Variants in PTPRD observed in about 807,000 individuals in gnomAD.
The protein encoded by PTPRD is protein tyrosine phosphatase receptor type D, also known as receptor-type tyrosine-protein phosphatase delta.
In PTPRD, 34 loss-of-function variants were observed where a neutral mutation model predicts 214.5. The ratio of observed to expected loss-of-function variants is 0.16; its 90% CI spans 0.12 to 0.21. The LOEUF is 0.21. Among genes scored for constraint, PTPRD ranks in the 10% least tolerant of loss-of-function variants. The probability of loss-of-function intolerance (pLI) is 1.00; values close to 1 mark genes in which losing one functional copy is unlikely to be tolerated. For missense variants in PTPRD, 2,545 were observed against 2,398.7 expected, an observed-to-expected ratio of 1.06 and a Z score of -1.27; for synonymous variants, 1,128 against 845.7, an observed-to-expected ratio of 1.33 and a Z score of -5.79.
intron 9 of PTPRD, among the ~76,000 whole-genome samples, chr9:9,357,811 C>T (rs1246771999): frequency 6.6e-6 from 1 of 151,024 alleles, no homozygotes; most frequent in Non-Finnish European, 1.5e-5. Context: ...ATTATAAAGG[C>T]ATTATAAATA....
chr9:8,599,361 C>A (rs1207636257), intron 14 of PTPRD, among the ~76,000 whole-genome samples: 3 of 152,052 alleles, frequency 2.0e-5, no homozygotes, highest in Non-Finnish European at 4.4e-5. Context: ...GTCTATATCA[C>A]CCTGAATGCA....
intron 9 of PTPRD, among the ~76,000 whole-genome samples, chr9:9,353,502 A>G (rs1450712394): frequency 6.6e-6 from 1 of 151,854 alleles, no homozygotes; most frequent in African/African-American, 2.4e-5. Context: ...GTCCACTTCT[A>G]TATATTGCAA....
intron 3 of PTPRD, among the ~76,000 whole-genome samples, chr9:10,080,365 A>G (rs1197679394): frequency 6.6e-6 from 1 of 152,132 alleles, no homozygotes; most frequent in Non-Finnish European, 1.5e-5. Context: ...AAATGTTAAC[A>G]CTGTATGCAG....
chr9:10,107,230 A>T (rs1376244399), intron 3 of PTPRD, among the ~76,000 whole-genome samples: 1 of 151,942 alleles, frequency 6.6e-6, no homozygotes, highest in Non-Finnish European at 1.5e-5. Flanking sequence ...ATGCACACAC[A>T]CTCTCTTAGT....
intron 7 of PTPRD, among the ~76,000 whole-genome samples, chr9:9,687,439 G>A (rs1035062654): frequency 2.6e-5 from 4 of 151,674 alleles, no homozygotes; most frequent in Admixed American, 2.0e-4. Context: ...GCCTTGGACT[G>A]CCTATGGGAA....
chr9:10,342,171 G>A (rs2096953529), intron 2 of PTPRD, among the ~76,000 whole-genome samples: 1 of 151,962 alleles, frequency 6.6e-6, no homozygotes, highest in South Asian at 2.1e-4. Context: ...CATTTCACTG[G>A]AAGATCATCA....
intron 11 of PTPRD, among the ~76,000 whole-genome samples, chr9:8,892,366 AG>A (rs2098547030): frequency 6.6e-6 from 1 of 152,118 alleles, no homozygotes; most frequent in Non-Finnish European, 1.5e-5. Context: ...TAGAACTGGA[AG>A]GGACTCCACA....
At position 9,289,651 on chromosome 9, in the gene PTPRD, A is replaced by G. The variant is rs191383515; in HGVS notation, c.-202-106288T>C. 4.3e-3 allele frequency among the ~76,000 whole-genome samples: 649 copies of G among 151,796 alleles called. 2 individuals carry two copies. The highest frequency in any genetic ancestry group is 0.015 in the African/African-American group (619 of 41,500). ...CATCAGCCCCCAGCCCCTAGGAACC[A>G]CCTTTCTACTTTCTGCTTTTTGAAT... is the stretch of plus-strand genomic sequence containing the variant. On this transcript the variant is annotated intron_variant, in intron 9 of 45. Coordinates refer to ENST00000381196, the MANE Select transcript of PTPRD (RefSeq NM_002839.4).
chr9:8,592,623 G>C (rs1435431111), intron 14 of PTPRD, among the ~76,000 whole-genome samples: 1 of 152,054 alleles, frequency 6.6e-6, no homozygotes, highest in African/African-American at 2.4e-5. Flanking sequence ...TAATAAGCAG[G>C]CTTCCTGATG....
chr9:10,437,943 T>A (rs193241914), intron 2 of PTPRD, among the ~76,000 whole-genome samples: 1 of 147,738 alleles, frequency 6.8e-6, no homozygotes, highest in East Asian at 2.0e-4. Context: ...AAAATGGACA[T>A]ACACACAAAA....
At chr9:9,749,499 T>A (rs1351637290) in intron 6 of PTPRD, among the ~76,000 whole-genome samples, 1 of 152,166 alleles carries the variant, frequency 6.6e-6, no homozygotes, top group Non-Finnish European at 1.5e-5. Flanking sequence ...GTGATTATAA[T>A]AAAACACTGG....
chr9:8,547,538 G>A (rs1038487089), intron 14 of PTPRD, among the ~76,000 whole-genome samples: 13 of 151,634 alleles, frequency 8.6e-5, no homozygotes, highest in Admixed American at 6.6e-5. Flanking sequence ...AGCTACTCTC[G>A]GGGCTGAGGC....
At chr9:10,579,249 T>A (rs1425391433) in intron 2 of PTPRD, among the ~76,000 whole-genome samples, 1 of 152,120 alleles carries the variant, frequency 6.6e-6, no homozygotes, top group Non-Finnish European at 1.5e-5. Context: ...CATGTTCTCA[T>A]CCAATAGTAG....
intron 5 of PTPRD, among the ~76,000 whole-genome samples, chr9:9,825,568 A>G (rs2153585951): frequency 6.6e-6 from 1 of 152,096 alleles, no homozygotes; most frequent in South Asian, 2.1e-4. Context: ...ACCATTACTT[A>G]GCTTTATTTC....
rs572799350 is a variant in PTPRD at position 9,178,786 on chromosome 9, G to C, written c.-143+4518C>G. 3.3e-5 allele frequency among the ~76,000 whole-genome samples: 5 copies of C among 152,094 alleles called. No homozygotes were observed. The South Asian group carries it at 8.3e-4, about 25-fold the overall frequency. On this transcript the variant is annotated intron_variant, in intron 10 of 45. Transcript: ENST00000381196. The stretch of plus-strand genomic sequence containing the variant: ...AGTATAAAGGTTTTTTACTACCCTT[G>C]AATGAACAAATGTGACTCTCTCAAG...
chr9:9,391,185 A>G (rs1391997108), intron 9 of PTPRD, among the ~76,000 whole-genome samples: 1 of 152,168 alleles, frequency 6.6e-6, no homozygotes, highest in East Asian at 1.9e-4. Flanking sequence ...TTTATCATTT[A>G]AAATAAGCCC....
At chr9:10,464,909 A>C (rs867025980) in intron 2 of PTPRD, among the ~76,000 whole-genome samples, 1 of 152,312 alleles carries the variant, frequency 6.6e-6, no homozygotes, top group South Asian at 2.1e-4. Context: ...ATAGTCATAT[A>C]GCCTAAAACT....
intron 11 of PTPRD, among the ~76,000 whole-genome samples, chr9:8,914,787 G>C (rs1013415315): frequency 6.6e-6 from 1 of 152,094 alleles, no homozygotes; most frequent in East Asian, 1.9e-4. Context: ...ATTCAGGAGA[G>C]ACACCATTTA....
chr9:10,234,782 CAAT>C (rs1340177037), intron 3 of PTPRD, among the ~76,000 whole-genome samples: 1 of 151,854 alleles, frequency 6.6e-6, no homozygotes, highest in Non-Finnish European at 1.5e-5. Flanking sequence ...TATCTCACAA[CAAT>C]AATAAGAGCC....
Sources: allele counts gnomAD v4.1 joint callset (sites outside exome capture counted in the v4.1 genomes callset), GRCh38; gene constraint gnomAD v4.1.1; transcripts MANE v1.5; gene names NCBI Gene and HGNC (gene_info 2026-07-23, HGNC 2026-07-21).